ENOX2: variants seen among roughly 807,000 people sequenced by gnomAD.
ENOX2 encodes the protein ecto-NOX disulfide-thiol exchanger 2, also known as APK1 antigen.
A neutral mutation model predicts 45.0 loss-of-function variants in ENOX2; 36 were observed. The ratio of observed to expected loss-of-function variants is 0.80; its 90% CI spans 0.61 to 1.06. The LOEUF is 1.06. Ranked by LOEUF, ENOX2 falls within the 50% of genes least tolerant of loss-of-function variation. The pLI is 0.00. For synonymous variants in ENOX2, 174 were observed against 152.3 expected (o/e 1.14, Z -1.05); for missense variants, 423 against 462.5 (o/e 0.91, Z 0.78).
chrX:130,734,304 G>T (rs2038810318), intron 3 of ENOX2, among the ~76,000 whole-genome samples: 1 of 112,251 alleles, frequency 8.9e-6, no homozygotes, highest in Non-Finnish European at 1.9e-5. Flanking sequence ...CCTCCAAGCA[G>T]CTCTGTTGCT....
Position 130,630,274 on chromosome X carries a change from G to A in ENOX2, c.1528+1194C>T, listed in dbSNP as rs138373648. On this transcript the variant is annotated intron_variant, in intron 13 of 14. Coordinates refer to ENST00000394363, the MANE Select transcript of ENOX2 (RefSeq NM_006375.4). ...AAAAATTAACATGTGGTCTTTGTCC[G>A]TGGTCCCCGGGGCGCACAGCTCCTA... 5.2e-3 allele frequency among the ~76,000 whole-genome samples: 581 copies of A among 111,181 alleles called. 5 individuals are homozygous for A. Among genetic ancestry groups the A allele is most frequent in the African/African-American group, 0.017 (533 of 30,589 alleles).
At chrX:130,898,205 C>G (rs1206244960) in intron 2 of ENOX2, among the ~76,000 whole-genome samples, 1 of 110,799 alleles carries the variant, frequency 9.0e-6, no homozygotes, top group Non-Finnish European at 1.9e-5. Context: ...ACGGGGTTTC[C>G]CCATGGTGGC....
At chrX:130,828,246 T>C (rs764642453) in intron 2 of ENOX2, among the ~76,000 whole-genome samples, 2 of 112,083 alleles carry the variant, frequency 1.8e-5, no homozygotes, top group East Asian at 5.6e-4. Flanking sequence ...ATTTAGCTTC[T>C]GGGTTCAAAT....
At chrX:130,753,404 A>C (rs906261389) in intron 3 of ENOX2, among the ~76,000 whole-genome samples, 2 of 110,501 alleles carry the variant, frequency 1.8e-5, no homozygotes, top group Admixed American at 1.9e-4. Context: ...CCATCTCTCT[A>C]TATTAACCAG....
chrX:130,661,149 G>A (rs1305956673), intron 9 of ENOX2, among the ~76,000 whole-genome samples: 1 of 109,446 alleles, frequency 9.1e-6, no homozygotes, highest in Non-Finnish European at 1.9e-5. Context: ...AGACAAATCA[G>A]TTTCTTAATA....
At chrX:130,837,590 C>T (rs780793981) in intron 2 of ENOX2, among the ~76,000 whole-genome samples, 5 of 111,437 alleles carry the variant, frequency 4.5e-5, no homozygotes, top group African/African-American at 1.3e-4. Context: ...CCCATTCCAC[C>T]GCCAGACAGT....
At chrX:130,807,238 A>G (rs2077318106) in intron 2 of ENOX2, among the ~76,000 whole-genome samples, 1 of 112,285 alleles carries the variant, frequency 8.9e-6, no homozygotes, top group African/African-American at 3.2e-5. Flanking sequence ...TAAAGTTTGG[A>G]AAAAAGTTGG....
intron 3 of ENOX2, among the ~76,000 whole-genome samples, chrX:130,759,375 T>C (rs886971454): frequency 9.2e-6 from 1 of 109,143 alleles, no homozygotes; most frequent in African/African-American, 3.3e-5. Context: ...TTGGACCAGC[T>C]GAGGTCAGGA....
chrX:130,876,523 T>C (rs2078705629), intron 2 of ENOX2, among the ~76,000 whole-genome samples: 1 of 111,875 alleles, frequency 8.9e-6, no homozygotes, highest in Non-Finnish European at 1.9e-5. Flanking sequence ...AAAAATGTTC[T>C]AAAATTAGAT....
At chrX:130,638,748 G>A (rs983971785) in intron 10 of ENOX2, among the ~76,000 whole-genome samples, 4 of 111,818 alleles carry the variant, frequency 3.6e-5, no homozygotes, top group Non-Finnish European at 7.5e-5. Flanking sequence ...CCCATGAGCA[G>A]AAACTTCCAT....
chrX:130,859,191 T>C (rs2078367440), intron 2 of ENOX2, among the ~76,000 whole-genome samples: 1 of 111,593 alleles, frequency 9.0e-6, no homozygotes, highest in Non-Finnish European at 1.9e-5. Context: ...GGTATGGTGG[T>C]GTGCACCTGT....
intron 6 of ENOX2, among the ~76,000 whole-genome samples, chrX:130,675,735 G>T (rs1275667901): frequency 9.0e-6 from 1 of 111,446 alleles, no homozygotes; most frequent in African/African-American, 3.3e-5. Flanking sequence ...GTGGTGAGGG[G>T]TAGAAGGACA....
intron 2 of ENOX2, among the ~76,000 whole-genome samples, chrX:130,896,147 C>T (rs926682671): frequency 6.3e-5 from 7 of 111,832 alleles, no homozygotes; most frequent in African/African-American, 2.3e-4. Flanking sequence ...TAAAATTTGT[C>T]TGAGGTGTCT....
At chrX:130,822,897 G>C (rs934759589) in intron 2 of ENOX2, among the ~76,000 whole-genome samples, 8 of 112,136 alleles carry the variant, frequency 7.1e-5, no homozygotes, top group African/African-American at 2.3e-4. Flanking sequence ...AAAGTAGTAG[G>C]CTAGACTAAG....
At chrX:130,885,431 A>C (rs1401897765) in intron 2 of ENOX2, among the ~76,000 whole-genome samples, 2 of 112,159 alleles carry the variant, frequency 1.8e-5, no homozygotes, top group African/African-American at 6.5e-5. Flanking sequence ...ACTGAGAATG[A>C]ACTAAGAAAG....
intron 2 of ENOX2, among the ~76,000 whole-genome samples, chrX:130,864,592 T>C (rs1333951224): frequency 1.8e-5 from 2 of 112,547 alleles, no homozygotes; most frequent in East Asian, 5.5e-4. Context: ...TAGTCATTGC[T>C]ATGTAAGTAG....
At chrX:130,849,921 T>C (rs2078178404) in intron 2 of ENOX2, among the ~76,000 whole-genome samples, 1 of 111,666 alleles carries the variant, frequency 9.0e-6, no homozygotes, top group South Asian at 3.7e-4. Context: ...AACAGGCTCA[T>C]AAGCCTTCTC....
chrX:130,787,066 T>C (rs1023624537), intron 2 of ENOX2, among the ~76,000 whole-genome samples: 28 of 98,469 alleles, frequency 2.8e-4, no homozygotes, highest in South Asian at 5.3e-4. Flanking sequence ...CCAGCACCTG[T>C]TGTTTCCTGA....
At chrX:130,641,994 G>A (rs73553292) in intron 10 of ENOX2, among the ~76,000 whole-genome samples, 2,678 of 111,867 alleles carry the variant, frequency 0.024, 74 homozygotes, top group African/African-American at 0.081. Flanking sequence ...CATCCATACC[G>A]TAGCCTGTGG....
Sources: gnomAD v4.1 joint callset for allele counts (sites outside exome capture counted in the v4.1 genomes callset) on GRCh38, gnomAD v4.1.1 for gene constraint, MANE v1.5 for transcripts, NCBI Gene and HGNC (gene_info 2026-07-23, HGNC 2026-07-21) for gene names.